Variants in THSD4 observed in about 807,000 individuals in gnomAD.
THSD4 encodes thrombospondin type 1 domain containing 4.
A neutral mutation model predicts 119.0 loss-of-function variants in THSD4; 69 were observed. That is an observed-to-expected ratio of 0.58 (90% CI 0.48 to 0.71). The LOEUF (loss-of-function observed/expected upper bound fraction) is 0.71. Among genes scored for constraint, THSD4 ranks in the 30% least tolerant of loss-of-function variants. THSD4 has a pLI of 0.00. For missense variants in THSD4, 1,393 were observed against 1,391.1 expected, an observed-to-expected ratio of 1.00 and a Z score of -0.02; for synonymous variants, 524 against 540.4, an observed-to-expected ratio of 0.97 and a Z score of 0.42.
At chr15:71,688,064 T>A (rs560934745) in intron 8 of THSD4, among the ~76,000 whole-genome samples, 1 of 152,360 alleles carries the variant, frequency 6.6e-6, no homozygotes, top group African/African-American at 2.4e-5. Flanking sequence ...TGCCTCTACC[T>A]TCTATTTTAA....
intron 7 of THSD4, among the ~76,000 whole-genome samples, chr15:71,418,286 A>G (rs13379758): frequency 0.16 from 17,340 of 107,294 alleles, 5,931 homozygotes; most frequent in African/African-American, 0.24. Context: ...TAGGACTTCC[A>G]GTACTACATT....
At chr15:71,578,224 A>G (rs2049492623) in intron 7 of THSD4, among the ~76,000 whole-genome samples, 1 of 150,810 alleles carries the variant, frequency 6.6e-6, no homozygotes, top group Non-Finnish European at 1.5e-5. Context: ...ATATATATAA[A>G]CTCTGCACTG....
rs146771172 is a variant in THSD4, at chr15:71,285,419, G to A, written c.1015+28704G>A. Reference sequence around the variant, plus strand: ...AAACCAGGATAGTTTGTGTCTACATGACAGGGCTTCACCAAATGTTCTCAT... The same window carrying A: ...AAACCAGGATAGTTTGTGTCTACATAACAGGGCTTCACCAAATGTTCTCAT... On this transcript the variant is annotated intron_variant, in intron 6 of 17. Transcript: ENST00000261862. Among the ~76,000 whole-genome samples the A allele has an allele frequency of 5.2e-4, 79 of 152,268 alleles. 2 individuals carry two copies. The highest frequency in any genetic ancestry group is 1.6e-3 in the African/African-American group (66 of 41,560).
At chr15:71,610,603 C>T (rs1217646062) in intron 7 of THSD4, among the ~76,000 whole-genome samples, 1 of 152,136 alleles carries the variant, frequency 6.6e-6, no homozygotes, top group Non-Finnish European at 1.5e-5. Flanking sequence ...ATCCTGGCTC[C>T]AGAAATTTAT....
intron 7 of THSD4, among the ~76,000 whole-genome samples, chr15:71,497,225 A>G (rs922288761): frequency 6.6e-6 from 1 of 152,214 alleles, no homozygotes; most frequent in Non-Finnish European, 1.5e-5. Flanking sequence ...TGAAAGGTAT[A>G]TATGTGGCCG....
chr15:71,434,461 T>TAA (rs1566981215), intron 7 of THSD4, among the ~76,000 whole-genome samples: 1 of 74,290 alleles, frequency 1.3e-5, no homozygotes, highest in East Asian at 9.6e-4. Flanking sequence ...TTTTTTTTTT[T>TAA]TAATTTCTGA....
In THSD4 at chr15:71,667,529, A is replaced by C. The variant is rs539747407; in HGVS notation, c.1357+6795A>C. On this transcript the variant is annotated intron_variant, in intron 8 of 17. Transcript: ENST00000261862. ...ATTTTTAAAGATCTGTAAACTTTCA[A>C]AAATAAACTGGCAGTATTCTTACTT... Among the ~76,000 whole-genome samples the C allele has an allele frequency of 5.3e-5, 8 of 152,356 alleles. No individual in the cohort carries two copies. The South Asian group carries it at 1.7e-3, about 32-fold the overall frequency.
upstream of THSD4, chr15:71,112,097 G>A (rs1023620660): frequency 1.9e-6 from 3 of 1,612,418 alleles, no homozygotes; most frequent in African/African-American, 1.3e-5. Context: ...CTCCCAGAAG[G>A]TTGCTCTCAG....
intron 8 of THSD4, among the ~76,000 whole-genome samples, chr15:71,672,216 G>A (rs2051546160): frequency 6.6e-6 from 1 of 152,114 alleles, no homozygotes; most frequent in African/African-American, 2.4e-5. Context: ...CTTGTAAGTT[G>A]GATTCCTAGG....
chr15:71,396,838 C>T (rs140876558), intron 6 of THSD4, among the ~76,000 whole-genome samples: 1 of 152,226 alleles, frequency 6.6e-6, no homozygotes, highest in Non-Finnish European at 1.5e-5. Context: ...TGTTTTCAGT[C>T]GTTTTTTCCT....
intron 10 of THSD4, among the ~76,000 whole-genome samples, chr15:71,736,037 C>G (rs2053090830): frequency 1.4e-5 from 2 of 139,276 alleles, no homozygotes; most frequent in Non-Finnish European, 3.1e-5. Flanking sequence ...CTCTGTCTCT[C>G]CTGCTCTCTT....
At chr15:71,593,672 G>A (rs1418475842) in intron 7 of THSD4, among the ~76,000 whole-genome samples, 2 of 151,934 alleles carry the variant, frequency 1.3e-5, no homozygotes, top group African/African-American at 4.8e-5. Context: ...GAGGTGGGTG[G>A]ATTACAAGAG....
intron 6 of THSD4, among the ~76,000 whole-genome samples, chr15:71,400,441 T>A (rs1011800499): frequency 6.6e-6 from 1 of 152,148 alleles, no homozygotes; most frequent in African/African-American, 2.4e-5. Context: ...AAATGCAGTC[T>A]GGGGGAAAGC....
At position 71,416,800 on chromosome 15, in the gene THSD4, C is replaced by T. The variant is rs1262039037; in HGVS notation, c.1152+4977C>T. Among the ~76,000 whole-genome samples, 2 of 102,818 alleles carry T rather than the reference C, an allele frequency of 1.9e-5. 1 individual carries two copies. The highest frequency in any genetic ancestry group is 6.4e-4 in the East Asian group (2 of 3,122). The allele number at this position is 102,818 out of a possible 152,430, so 67.5% of individuals were successfully genotyped here. ...TCGAGATGGAGTCTCACTCTATTGCCCAGGCTGGAGTGCAGTGGTGCAATC... is the reference window on the plus strand; with the variant it reads ...TCGAGATGGAGTCTCACTCTATTGCTCAGGCTGGAGTGCAGTGGTGCAATC... On this transcript the variant is annotated intron_variant, in intron 7 of 17. Transcript: ENST00000261862.
chr15:71,695,957 G>A (rs1192327360), intron 8 of THSD4, among the ~76,000 whole-genome samples: 2 of 152,204 alleles, frequency 1.3e-5, no homozygotes, highest in Admixed American at 6.5e-5. Flanking sequence ...AAATAGCAGA[G>A]GTAAAATGAT....
At chr15:71,736,837 C>CT (rs1414981708) in intron 10 of THSD4, among the ~76,000 whole-genome samples, 3 of 152,172 alleles carry the variant, frequency 2.0e-5, no homozygotes, top group African/African-American at 7.2e-5. Context: ...TGCACAAAAA[C>CT]AAAGCAATAA....
chr15:71,230,074 G>T (rs749277968), intron 4 of THSD4, among the ~76,000 whole-genome samples: 12 of 152,084 alleles, frequency 7.9e-5, no homozygotes, highest in South Asian at 2.1e-4. Context: ...AGTTCTTCAG[G>T]TTCCTTCAAC....
At chr15:71,273,854 G>A (rs941606459) in intron 6 of THSD4, among the ~76,000 whole-genome samples, 4 of 152,182 alleles carry the variant, frequency 2.6e-5, no homozygotes, top group South Asian at 2.1e-4. Flanking sequence ...ATTTTATCAG[G>A]AGGATATCCA....
intron 7 of THSD4, among the ~76,000 whole-genome samples, chr15:71,635,652 C>T (rs2140953400): frequency 6.6e-6 from 1 of 152,260 alleles, no homozygotes; most frequent in East Asian, 1.9e-4. Context: ...AAATCAAAAA[C>T]ATACCAGACA....
Sources: gnomAD v4.1 joint callset for allele counts (sites outside exome capture counted in the v4.1 genomes callset) on GRCh38, gnomAD v4.1.1 for gene constraint, MANE v1.5 for transcripts, NCBI Gene and HGNC (gene_info 2026-07-23, HGNC 2026-07-21) for gene names.